MICU3: variants seen among roughly 807,000 people sequenced by gnomAD.
The protein encoded by MICU3 is calcium uptake protein 3, mitochondrial.
Under a neutral mutation model 66.5 loss-of-function variants are expected in MICU3, and 62 were observed. The ratio of observed to expected loss-of-function variants is 0.93; its 90% CI spans 0.76 to 1.15. MICU3 has a LOEUF of 1.15. MICU3 is among the 50% of genes most tolerant of loss of function. The pLI, the probability that MICU3 is intolerant of heterozygous loss-of-function variation, is 0.00. For missense variants in MICU3, 779 were observed against 664.4 expected (o/e 1.17, Z -1.90); for synonymous variants, 308 against 240.7 (o/e 1.28, Z -2.59).
chr8:17,091,903 G>A (rs1159323783), intron 8 of MICU3, among the ~76,000 whole-genome samples: 1 of 151,932 alleles, frequency 6.6e-6, no homozygotes, highest in African/African-American at 2.4e-5. Context: ...TTTTAAGATG[G>A]AGTTTTGCTC....
intron 1 of MICU3, among the ~76,000 whole-genome samples, chr8:17,035,698 A>G (rs1812855667): frequency 6.6e-6 from 1 of 152,350 alleles, no homozygotes; most frequent in South Asian, 2.1e-4. Flanking sequence ...ATTCAGTTTT[A>G]TGTATTCACA....
intron 3 of MICU3, among the ~76,000 whole-genome samples, chr8:17,074,826 A>G (rs888380832): frequency 6.6e-6 from 1 of 152,146 alleles, no homozygotes; most frequent in African/African-American, 2.4e-5. Context: ...TAATTCTAGG[A>G]GACTGACTTT....
rs116441315 is a variant in MICU3, at chr8:17,034,021, A to G, written c.381+6361A>G. Among the ~76,000 whole-genome samples, 3,057 of 152,264 alleles carry G rather than the reference A, an allele frequency of 0.02. 163 individuals carry two copies. The East Asian group carries it at 0.22, about 11-fold the overall frequency. ...GTCTAGGACTTTGATAGCTAGAGAG[A>G]GGTCAATACCTGGCTTCAAAACTTC... On this transcript the variant is annotated intron_variant, in intron 1 of 14. Transcript: ENST00000318063.
intron 1 of MICU3, among the ~76,000 whole-genome samples, chr8:17,036,953 T>G (rs1294004423): frequency 6.6e-6 from 1 of 152,168 alleles, no homozygotes; most frequent in Admixed American, 6.5e-5. Context: ...AGGTCCCGAG[T>G]CCTGCCCCGC....
At chr8:17,028,337 A>G (rs1811405670) in intron 1 of MICU3, among the ~76,000 whole-genome samples, 1 of 152,228 alleles carries the variant, frequency 6.6e-6, no homozygotes, top group Non-Finnish European at 1.5e-5. Context: ...GAGGCTGTGA[A>G]TGACACAAAC....
At chr8:17,108,274 A>T (rs1006858557) in intron 11 of MICU3, among the ~76,000 whole-genome samples, 1 of 152,092 alleles carries the variant, frequency 6.6e-6, no homozygotes. Flanking sequence ...GGATATGTGA[A>T]TCTAGCGGTC....
chr8:17,049,025 T>TGGATA (rs139348167), intron 1 of MICU3, among the ~76,000 whole-genome samples: 1,575 of 152,310 alleles, frequency 0.01, 25 homozygotes, highest in African/African-American at 0.036. Context: ...ATTTCGGGGA[T>TGGATA]GGATAACTTA....
At chr8:17,069,956 G>C (rs1042327177) in intron 3 of MICU3, among the ~76,000 whole-genome samples, 1 of 151,870 alleles carries the variant, frequency 6.6e-6, no homozygotes, top group East Asian at 1.9e-4. Context: ...TCATGTGTTG[G>C]TATACTCACT....
chr8:17,073,306 C>T (rs1204154637), intron 3 of MICU3, among the ~76,000 whole-genome samples: 1 of 152,098 alleles, frequency 6.6e-6, no homozygotes, highest in Non-Finnish European at 1.5e-5. Flanking sequence ...CACATTACTG[C>T]CTGAGCTCTG....
At chr8:17,076,800 T>G (rs972019245) in intron 3 of MICU3, among the ~76,000 whole-genome samples, 1 of 152,206 alleles carries the variant, frequency 6.6e-6, no homozygotes, top group South Asian at 2.1e-4. Context: ...GGCACTGAGA[T>G]TCTGCATTTC....
At chr8:17,094,541 T>G (rs1800458853) in intron 8 of MICU3, among the ~76,000 whole-genome samples, 1 of 152,040 alleles carries the variant, frequency 6.6e-6, no homozygotes, top group South Asian at 2.1e-4. Context: ...AGACAGCTGG[T>G]TTCTCGTAGC....
intron 1 of MICU3, among the ~76,000 whole-genome samples, chr8:17,058,151 A>G (rs1380383260): frequency 6.6e-6 from 1 of 152,194 alleles, no homozygotes; most frequent in African/African-American, 2.4e-5. Flanking sequence ...CTTAGCGACA[A>G]GTTTTTACTG....
chr8:17,124,829 G>C (rs1395238099), downstream of MICU3, among the ~76,000 whole-genome samples: 1 of 151,872 alleles, frequency 6.6e-6, no homozygotes, highest in Non-Finnish European at 1.5e-5. Context: ...CCAGCTTCCA[G>C]TTTGTTCCCA....
intron 2 of MICU3, among the ~76,000 whole-genome samples, chr8:17,066,298 A>T (rs1220893993): frequency 6.6e-6 from 1 of 151,498 alleles, no homozygotes; most frequent in East Asian, 1.9e-4. Flanking sequence ...GCTAAGGGGG[A>T]TACAAAGTCT....
intron 11 of MICU3, 48 bp downstream of exon 11, chr8:17,105,632 G>A (rs376658792): frequency 3.8e-5 from 45 of 1,173,960 alleles, no homozygotes; most frequent in East Asian, 5.2e-5. Context: ...TTTGCAATAC[G>A]TGCCTCTAAA....
chr8:17,043,317 A>G (rs1814522489), intron 1 of MICU3, among the ~76,000 whole-genome samples: 1 of 152,142 alleles, frequency 6.6e-6, no homozygotes, highest in South Asian at 2.1e-4. Context: ...GCTAGCTCCA[A>G]CCTATTAAAG....
chr8:17,105,304 A>T (rs1226066893), intron 10 of MICU3, 109 bp from the exon 11 acceptor site: 1 of 627,612 alleles, frequency 1.6e-6, no homozygotes, highest in Non-Finnish European at 2.7e-6. Context: ...TTGCATCATC[A>T]TACAATTATT....
chr8:17,098,531 C>T lies in MICU3; in HGVS notation c.962C>T (p.Ala321Val), dbSNP rs780632265. The change falls in exon 9 of 15, where the codon GCA becomes GTA. Residue 321 changes from alanine (A) to valine (V), a missense_variant. By Grantham distance (64) the Ala-to-Val change is moderately conservative (BLOSUM62 0). Coordinates refer to ENST00000318063, the MANE Select transcript of MICU3 (RefSeq NM_181723.3). ...ACACTGAGACGTAACACAAGCCAAG[C>T]ACTGTTTTCAGACCTCGCAGAGGTA... ...WDTLRRNTSQ[A>V]LFSDLAERAD... 1 of 1,610,504 alleles carries T rather than the reference C, an allele frequency of 6.2e-7. No homozygotes were observed. Among genetic ancestry groups the T allele is most frequent in the African/African-American group, 1.3e-5 (1 of 74,682 alleles).
At chr8:17,046,375 T>G (rs906821135) in intron 1 of MICU3, among the ~76,000 whole-genome samples, 1 of 152,190 alleles carries the variant, frequency 6.6e-6, no homozygotes, top group African/African-American at 2.4e-5. Context: ...CTGTGATGAT[T>G]GTTGTGTTGG....
Sources: gnomAD v4.1 joint callset for allele counts (sites outside exome capture counted in the v4.1 genomes callset) on GRCh38, gnomAD v4.1.1 for gene constraint, MANE v1.5 for transcripts, NCBI Gene and HGNC (gene_info 2026-07-23, HGNC 2026-07-21) for gene names.